Variants in EIPR1 observed in about 807,000 individuals in gnomAD.
EIPR1 encodes the protein EARP and GARP complex-interacting protein 1.
Under a neutral mutation model 48.1 loss-of-function variants are expected in EIPR1, and 25 were observed. The observed-to-expected ratio is 0.52, with a 90% CI of 0.38 to 0.73. The LOEUF (loss-of-function observed/expected upper bound fraction) is 0.73. Among genes scored for constraint, EIPR1 ranks in the 30% least tolerant of loss-of-function variants. The pLI is 0.00. For missense variants in EIPR1, 415 were observed against 506.2 expected (o/e 0.82, Z 1.73); for synonymous variants, 204 against 201.9 (o/e 1.01, Z -0.09).
chr2:3,214,571 A>T (rs1161583906), intron 4 of EIPR1: 2 of 204,824 alleles, frequency 9.8e-6, no homozygotes, highest in Non-Finnish European at 9.9e-6. Context: ...TGAGCTGAAA[A>T]TGCAGTGGAT....
chr2:3,234,892 G>GT, intron 4 of EIPR1, among the ~76,000 whole-genome samples: 1 of 152,244 alleles, frequency 6.6e-6, no homozygotes, highest in Non-Finnish European at 1.5e-5. Context: ...ACTCCAGAGA[G>GT]TTTAGCTAAC....
At chr2:3,252,570 G>A (rs1667034070) in intron 4 of EIPR1, among the ~76,000 whole-genome samples, 2 of 152,186 alleles carry the variant, frequency 1.3e-5, no homozygotes, top group African/African-American at 4.8e-5. Context: ...CAGCCTGGGT[G>A]ACAGAGGGCG....
intron 2 of EIPR1, among the ~76,000 whole-genome samples, chr2:3,341,107 A>C (rs1209717384): frequency 1.3e-5 from 2 of 149,394 alleles, no homozygotes; most frequent in African/African-American, 2.5e-5. Flanking sequence ...AAAAAAAAAA[A>C]AAAAAAAAAA....
rs538572934 is a variant in EIPR1, at chr2:3,218,921, C to T, written c.417-4673G>A. ...GTGCACACCCAACACGGCCCCGATA[C>T]GCTCTAGAGCATTCACAGTGAGTCA... On this transcript the variant is annotated intron_variant, in intron 4 of 8. Coordinates refer to ENST00000382125, the MANE Select transcript of EIPR1 (RefSeq NM_003310.5). 1.2e-4 allele frequency among the ~76,000 whole-genome samples: 16 copies of T among 135,214 alleles called. No individual in the cohort carries two copies. The East Asian group carries it at 2.2e-3, about 19-fold the overall frequency. 88.7% of individuals were successfully genotyped at this position (135,214 alleles called of 152,430 possible).
intron 4 of EIPR1, among the ~76,000 whole-genome samples, chr2:3,238,603 G>A (rs181891305): frequency 6.6e-6 from 1 of 152,372 alleles, no homozygotes; most frequent in East Asian, 1.9e-4. Context: ...GGAGAATTTA[G>A]AGACTTTTGT....
chr2:3,334,673 T>C (rs1307670452), intron 3 of EIPR1, among the ~76,000 whole-genome samples: 3 of 152,374 alleles, frequency 2.0e-5, no homozygotes, highest in African/African-American at 7.2e-5. Context: ...AGCAGGAACT[T>C]GCAGCATTTC....
intron 3 of EIPR1, among the ~76,000 whole-genome samples, chr2:3,323,170 A>G (rs1572442465): frequency 6.6e-6 from 1 of 152,046 alleles, no homozygotes; most frequent in Non-Finnish European, 1.5e-5. Flanking sequence ...AAAATTATAA[A>G]ATTTCATTCC....
chr2:3,238,984 T>A (rs1666505988), intron 4 of EIPR1, among the ~76,000 whole-genome samples: 1 of 152,198 alleles, frequency 6.6e-6, no homozygotes, highest in Non-Finnish European at 1.5e-5. Flanking sequence ...AAGCTCGGCA[T>A]GAAGTCTCTG....
chr2:3,349,599 G>A (rs553180434), intron 2 of EIPR1, among the ~76,000 whole-genome samples: 8 of 150,428 alleles, frequency 5.3e-5, no homozygotes, highest in East Asian at 2.0e-4. Flanking sequence ...GCCAGGAGAC[G>A]GGGACAGGGA....
intron 3 of EIPR1, among the ~76,000 whole-genome samples, chr2:3,277,768 G>A (rs890476907): frequency 2.9e-4 from 44 of 152,342 alleles, no homozygotes; most frequent in Admixed American, 1.3e-3. Flanking sequence ...GCGCAGCCTC[G>A]GCTAGGGGCC....
intron 3 of EIPR1, among the ~76,000 whole-genome samples, chr2:3,316,840 A>G (rs1197935502): frequency 2.0e-5 from 3 of 152,230 alleles, no homozygotes; most frequent in South Asian, 2.1e-4. Flanking sequence ...ACCTCTTGCC[A>G]TAGTCTAGAC....
intron 3 of EIPR1, among the ~76,000 whole-genome samples, chr2:3,265,967 C>T (rs958922139): frequency 6.6e-6 from 1 of 152,190 alleles, no homozygotes; most frequent in African/African-American, 2.4e-5. Flanking sequence ...AATTTGAAGC[C>T]ACTACCTACT....
intron 3 of EIPR1, among the ~76,000 whole-genome samples, chr2:3,285,970 G>T (rs969193457): frequency 6.6e-6 from 1 of 152,196 alleles, no homozygotes; most frequent in Admixed American, 6.5e-5. Context: ...GATGTCTCCG[G>T]GACCCTCACT....
chr2:3,371,832 A>G (rs1314365729), intron 1 of EIPR1, among the ~76,000 whole-genome samples: 1 of 152,184 alleles, frequency 6.6e-6, no homozygotes, highest in Non-Finnish European at 1.5e-5. Flanking sequence ...ACGACACAGA[A>G]AGTTAAAAAG....
chr2:3,317,090 C>T (rs10183632), intron 3 of EIPR1, among the ~76,000 whole-genome samples: 6 of 151,708 alleles, frequency 4.0e-5, no homozygotes, highest in Non-Finnish European at 7.4e-5. Flanking sequence ...ACGCACTGAC[C>T]GAGCTGAGGG....
chr2:3,235,448 G>GCA (rs1172210710), intron 4 of EIPR1, among the ~76,000 whole-genome samples: 4 of 26,892 alleles, frequency 1.5e-4, no homozygotes, highest in Admixed American at 6.1e-4. Context: ...ACGCGTGCGC[G>GCA]CACACACACA....
intron 4 of EIPR1, among the ~76,000 whole-genome samples, chr2:3,218,868 A>C (rs893022562): frequency 6.8e-5 from 10 of 147,072 alleles, no homozygotes; most frequent in African/African-American, 2.5e-4. Flanking sequence ...TGGCCCTGAT[A>C]CGCTCTAGAG....
chr2:3,345,791 T>C (rs2103362630), intron 2 of EIPR1, among the ~76,000 whole-genome samples: 1 of 152,112 alleles, frequency 6.6e-6, no homozygotes, highest in Middle Eastern at 3.4e-3. Context: ...CGGATGCACA[T>C]GTAGGAAGGG....
At chr2:3,241,887 A>T (rs945499870) in intron 4 of EIPR1, among the ~76,000 whole-genome samples, 4 of 152,242 alleles carry the variant, frequency 2.6e-5, no homozygotes, top group Non-Finnish European at 4.4e-5. Context: ...CAAATAAGTG[A>T]TTCTAAAATG....
Sources: allele counts gnomAD v4.1 joint callset (sites outside exome capture counted in the v4.1 genomes callset), GRCh38; gene constraint gnomAD v4.1.1; transcripts MANE v1.5; gene names NCBI Gene and HGNC (gene_info 2026-07-23, HGNC 2026-07-21).